BAZ2B: variants seen among roughly 807,000 people sequenced by gnomAD.
The protein encoded by BAZ2B is bromodomain adjacent to zinc finger domain 2B.
BAZ2B carries 91 observed loss-of-function variants against 246.0 expected under a neutral mutation model. That is an observed-to-expected ratio of 0.37 (90% CI 0.31 to 0.44). BAZ2B has a LOEUF of 0.44. BAZ2B is among the 20% of genes least tolerant of loss of function. The pLI is 1.00. For synonymous variants in BAZ2B, 855 were observed against 860.0 expected, an observed-to-expected ratio of 0.99 and a Z score of 0.10; for missense variants, 2,332 against 2,533.7, an observed-to-expected ratio of 0.92 and a Z score of 1.71.
intron 3 of BAZ2B, among the ~76,000 whole-genome samples, chr2:159,468,333 A>G (rs1248584631): frequency 6.6e-6 from 1 of 152,182 alleles, no homozygotes; most frequent in Non-Finnish European, 1.5e-5. Context: ...CAACAACAAC[A>G]AAAACAAAAC....
At chr2:159,493,516 T>G (rs2080736657) in intron 2 of BAZ2B, among the ~76,000 whole-genome samples, 1 of 152,206 alleles carries the variant, frequency 6.6e-6, no homozygotes, top group Admixed American at 6.5e-5. Flanking sequence ...GGATGTGCAG[T>G]ATTAGATACA....
At position 159,428,430 on chromosome 2, in the gene BAZ2B, C is replaced by G. The variant is rs757047935; in HGVS notation, c.2256-11G>C. 12 of 1,599,410 alleles carry G rather than the reference C, an allele frequency of 7.5e-6. No individual in the cohort carries two copies. In the South Asian group the frequency reaches 1.2e-4, roughly 16 times the overall value. On this transcript the variant is annotated splice_polypyrimidine_tract_variant and intron_variant, in intron 11 of 36. Transcript: ENST00000392783. Reference sequence around the variant, plus strand: ...GTCTCTCTCTGCCAGCTACACATAACAGAAATGAAGGTTATGACATACTTA... The same window carrying G: ...GTCTCTCTCTGCCAGCTACACATAAGAGAAATGAAGGTTATGACATACTTA...
downstream of BAZ2B, among the ~76,000 whole-genome samples, chr2:159,317,965 C>T (rs2062284651): frequency 6.6e-6 from 1 of 152,178 alleles, no homozygotes; most frequent in Non-Finnish European, 1.5e-5. Flanking sequence ...ACAATGAAGA[C>T]ACCAGTCCGA....
chr2:159,555,646 T>A (rs189590657), intron 2 of BAZ2B, 177 bp downstream of exon 2: 1 of 152,204 alleles, frequency 6.6e-6, no homozygotes, highest in African/African-American at 2.4e-5. Flanking sequence ...AAAGTAATAT[T>A]TTAAAAGTAT....
chr2:159,623,903 A>G, the BAZ2B span, among the ~76,000 whole-genome samples: 3 of 152,238 alleles, frequency 2.0e-5, no homozygotes, highest in Non-Finnish European at 4.4e-5. Context: ...TGCAGTTTTT[A>G]AAAAGGCATG....
intron 1 of BAZ2B, among the ~76,000 whole-genome samples, chr2:159,559,882 T>C (rs190173674): frequency 6.6e-6 from 1 of 152,336 alleles, no homozygotes; most frequent in East Asian, 1.9e-4. Context: ...GTATTGGTTA[T>C]ATGCTATTTC....
At chr2:159,700,362 A>C in the BAZ2B span, among the ~76,000 whole-genome samples, 2 of 152,226 alleles carry the variant, frequency 1.3e-5, no homozygotes, top group Non-Finnish European at 2.9e-5. Context: ...GGTTACTTAT[A>C]ATATCTAAAA....
At chr2:159,515,435 G>A (rs1046622320) in intron 2 of BAZ2B, among the ~76,000 whole-genome samples, 1 of 151,944 alleles carries the variant, frequency 6.6e-6, no homozygotes, top group Non-Finnish European at 1.5e-5. Context: ...AAAACTAAGA[G>A]TTCTGTTCCA....
At position 159,332,586 on chromosome 2, in the gene BAZ2B, G is replaced by A. The variant is rs1055229388; in HGVS notation, c.5897C>T (p.Thr1966Ile). 2 of 1,614,072 alleles carry A rather than the reference G, an allele frequency of 1.2e-6. No individual in the cohort carries two copies. The highest frequency in any genetic ancestry group is 8.5e-7 in the Non-Finnish European group (1 of 1,179,966). The change falls in exon 34 of 37, where the codon ACA (threonine) becomes ATA (isoleucine). Residue 1966 changes from threonine to isoleucine, a missense_variant. By Grantham distance (89) the Thr-to-Ile change is moderately conservative (BLOSUM62 -1). Transcript: ENST00000392783. Reference sequence around the variant, plus strand: ...AAACCAGTCTCCATCTGGGATTGTTGTAATCTTGGGTCTATGGCAGTAGGT... The same window carrying A: ...AAACCAGTCTCCATCTGGGATTGTTATAATCTTGGGTCTATGGCAGTAGGT... ...CHTYCHRPKITTIPDGDWFCP... is the reference protein window; with the variant it reads ...CHTYCHRPKIITIPDGDWFCP...
chr2:159,654,450 C>A, the BAZ2B span, among the ~76,000 whole-genome samples: 1 of 152,180 alleles, frequency 6.6e-6, no homozygotes, highest in Admixed American at 6.6e-5. Context: ...GACAAAAAAA[C>A]CCCAAGAAGG....
Position 159,448,252 on chromosome 2 carries a change from A to G in BAZ2B, c.492T>C (p.Gly164=). 6.2e-7 allele frequency: 1 copy of G among 1,610,226 alleles called. No homozygotes were observed. Among genetic ancestry groups the G allele is most frequent in the Non-Finnish European group, 8.5e-7 (1 of 1,179,088 alleles). Residue 164 remains glycine (G), a synonymous_variant, in exon 5 of 37, where the codon GGT becomes GGC. Transcript: ENST00000392783. ...SRTSGKSNRN[G]PEKGVNGSIN... is the part of the protein sequence containing the mutation. ...TGTAAATGTGGATACCTTTTTCGGGACCATTTCGATTACTTTTTCCCGAAG... is the reference window on the plus strand; with the variant it reads ...TGTAAATGTGGATACCTTTTTCGGGGCCATTTCGATTACTTTTTCCCGAAG...
At chr2:159,638,140 G>T in the BAZ2B span, among the ~76,000 whole-genome samples, 6 of 152,206 alleles carry the variant, frequency 3.9e-5, no homozygotes, top group Non-Finnish European at 5.9e-5. Context: ...TCTCTGCGTG[G>T]TAATCAAGAG....
intron 31 of BAZ2B, among the ~76,000 whole-genome samples, chr2:159,342,159 C>T (rs1228969379): frequency 6.6e-6 from 1 of 152,120 alleles, no homozygotes; most frequent in Non-Finnish European, 1.5e-5. Context: ...CATCACACTG[C>T]TCAAAGAAAT....
At chr2:159,596,779 T>C (rs1055748565) in intron 1 of BAZ2B, among the ~76,000 whole-genome samples, 2 of 152,234 alleles carry the variant, frequency 1.3e-5, no homozygotes, top group African/African-American at 2.4e-5. Flanking sequence ...AGTGAGAACA[T>C]ACGATGTTTG....
chr2:159,335,669 A>G (rs1215066093), intron 33 of BAZ2B, among the ~76,000 whole-genome samples: 1 of 152,162 alleles, frequency 6.6e-6, no homozygotes, highest in Admixed American at 6.5e-5. Context: ...CATAGAAGAA[A>G]CGTAATTTAT....
intron 13 of BAZ2B, among the ~76,000 whole-genome samples, chr2:159,417,412 C>G (rs2150001289): frequency 6.6e-6 from 1 of 152,220 alleles, no homozygotes; most frequent in East Asian, 1.9e-4. Flanking sequence ...CTCAGGTGAT[C>G]CACCCGCCTT....
At chr2:159,480,086 T>C (rs1272383102) in intron 2 of BAZ2B, among the ~76,000 whole-genome samples, 1 of 152,146 alleles carries the variant, frequency 6.6e-6, no homozygotes, top group Non-Finnish European at 1.5e-5. Flanking sequence ...GGCTGTCTGA[T>C]GGTAAGGCCC....
intron 36 of BAZ2B, 30 bp from the exon 37 acceptor site, chr2:159,320,448 G>A (rs777795050): frequency 2.7e-5 from 41 of 1,510,446 alleles, no homozygotes; most frequent in East Asian, 5.0e-5. Context: ...TAGAGATTGC[G>A]TTCATAGAGT....
the BAZ2B span, among the ~76,000 whole-genome samples, chr2:159,691,187 A>G: frequency 6.6e-6 from 1 of 152,202 alleles, no homozygotes; most frequent in African/African-American, 2.4e-5. Flanking sequence ...TTATCTCTAT[A>G]TTTATTAATA....
Sources: gnomAD v4.1 joint callset for allele counts (sites outside exome capture counted in the v4.1 genomes callset) on GRCh38, gnomAD v4.1.1 for gene constraint, MANE v1.5 for transcripts, NCBI Gene and HGNC (gene_info 2026-07-23, HGNC 2026-07-21) for gene names.